MARCHF1: variants seen among roughly 807,000 people sequenced by gnomAD.
The protein encoded by MARCHF1 is E3 ubiquitin-protein ligase MARCHF1.
A neutral mutation model predicts 54.2 loss-of-function variants in MARCHF1; 40 were observed. That is an observed-to-expected ratio of 0.74 (90% confidence interval 0.57 to 0.96). The LOEUF (loss-of-function observed/expected upper bound fraction) is 0.96, where lower values mean the gene tolerates loss of function less well. Ranked by LOEUF, MARCHF1 falls within the 40% of genes least tolerant of loss-of-function variation. The pLI is 0.00. For missense variants in MARCHF1, 586 were observed against 656.5 expected, an observed-to-expected ratio of 0.89 and a Z score of 1.17; for synonymous variants, 236 against 236.3, an observed-to-expected ratio of 1.00 and a Z score of 0.01.
chr4:163,775,345 A>G (rs879678300), intron 4 of MARCHF1, among the ~76,000 whole-genome samples: 4 of 152,078 alleles, frequency 2.6e-5, no homozygotes, highest in Non-Finnish European at 5.9e-5. Context: ...TTATGTACAA[A>G]TATTTCTTTA....
chr4:164,076,588 G>C (rs1279870159), intron 2 of MARCHF1, among the ~76,000 whole-genome samples: 1 of 152,166 alleles, frequency 6.6e-6, no homozygotes, highest in Non-Finnish European at 1.5e-5. Context: ...CAGGAAGAGA[G>C]GAAGTCAAAT....
chr4:163,634,791 T>C (rs971858178), intron 5 of MARCHF1, among the ~76,000 whole-genome samples: 42 of 142,680 alleles, frequency 2.9e-4, no homozygotes, highest in African/African-American at 1.1e-3. Flanking sequence ...CAACAGAATA[T>C]ACATTTTTTT....
At chr4:164,363,719 T>C (rs144646928) in intron 1 of MARCHF1, among the ~76,000 whole-genome samples, 3 of 152,200 alleles carry the variant, frequency 2.0e-5, no homozygotes, top group Non-Finnish European at 4.4e-5. Context: ...CGTCATTCAA[T>C]GTAAATGCCC....
intron 5 of MARCHF1, among the ~76,000 whole-genome samples, chr4:163,618,338 A>G (rs1741578925): frequency 1.3e-5 from 2 of 152,038 alleles, no homozygotes; most frequent in African/African-American, 4.8e-5. Context: ...ACAACCTGGA[A>G]GTGTGATAAG....
rs534645067 is a variant in MARCHF1 at position 164,195,230 on chromosome 4, GT to G, written c.-322-83569del. Among the ~76,000 whole-genome samples, 126 of 150,960 alleles carry G rather than the reference GT, an allele frequency of 8.3e-4. 1 individual carries two copies. In the East Asian group the frequency reaches 0.013, roughly 15 times the overall value. On this transcript the variant is annotated intron_variant, in intron 1 of 9. Transcript: ENST00000514618. ...TTCTCTCTACAAGACCTAGAAAATT[GT>G]TTTTTTTCTTGTAATCAGCACTCAT...
intron 2 of MARCHF1, among the ~76,000 whole-genome samples, chr4:164,092,445 C>T (rs1755325009): frequency 6.6e-6 from 1 of 152,074 alleles, no homozygotes; most frequent in African/African-American, 2.4e-5. Context: ...TGACTGAGGG[C>T]TCAGTTAAGG....
chr4:164,038,464 G>A lies in MARCHF1; in HGVS notation c.-247-49755C>T, dbSNP rs190887544. Reference sequence around the variant, plus strand: ...GTGGAGATTGTGCCACTGCACTCCCGCCTGGGCGACAGAGCCAGACTCTGT... The same window carrying A: ...GTGGAGATTGTGCCACTGCACTCCCACCTGGGCGACAGAGCCAGACTCTGT... On this transcript the variant is annotated intron_variant, in intron 2 of 9. Coordinates refer to ENST00000514618, the MANE Select transcript of MARCHF1 (RefSeq NM_001394959.1). 3.4e-3 allele frequency among the ~76,000 whole-genome samples: 512 copies of A among 152,284 alleles called. 11 individuals are homozygous for A. Among genetic ancestry groups the A allele is most frequent in the Admixed American group, 0.027 (409 of 15,300 alleles).
At chr4:164,377,128 T>C (rs1054512771) in intron 1 of MARCHF1, among the ~76,000 whole-genome samples, 11 of 152,214 alleles carry the variant, frequency 7.2e-5, no homozygotes, top group African/African-American at 2.7e-4. Flanking sequence ...TTATCTGGAA[T>C]ATGTTACCTG....
chr4:163,819,950 G>A (rs755064892), intron 4 of MARCHF1, among the ~76,000 whole-genome samples: 7 of 151,930 alleles, frequency 4.6e-5, no homozygotes, highest in African/African-American at 9.7e-5. Context: ...CCTTCCCATC[G>A]TATTTTAAAC....
At chr4:163,952,292 C>A (rs1174213917) in intron 3 of MARCHF1, among the ~76,000 whole-genome samples, 2 of 152,106 alleles carry the variant, frequency 1.3e-5, no homozygotes, top group Non-Finnish European at 2.9e-5. Flanking sequence ...GTAGAAAATG[C>A]TAAACCAAAG....
intron 4 of MARCHF1, among the ~76,000 whole-genome samples, chr4:163,827,172 T>A (rs554734703): frequency 2.6e-5 from 4 of 152,204 alleles, no homozygotes; most frequent in African/African-American, 7.2e-5. Flanking sequence ...AAAATAAGAT[T>A]TGTAGTGATA....
At chr4:163,856,438 G>C (rs1749769478) in intron 3 of MARCHF1, among the ~76,000 whole-genome samples, 1 of 152,146 alleles carries the variant, frequency 6.6e-6, no homozygotes, top group Non-Finnish European at 1.5e-5. Flanking sequence ...TTATAATTTA[G>C]TTTGAACTTA....
At chr4:163,786,810 G>T (rs1747634559) in intron 4 of MARCHF1, among the ~76,000 whole-genome samples, 1 of 151,876 alleles carries the variant, frequency 6.6e-6, no homozygotes, top group African/African-American at 2.4e-5. Flanking sequence ...CAAAATTAGT[G>T]GCCTCACACT....
At chr4:163,900,562 C>T (rs1750917583) in intron 3 of MARCHF1, among the ~76,000 whole-genome samples, 1 of 152,104 alleles carries the variant, frequency 6.6e-6, no homozygotes, top group Non-Finnish European at 1.5e-5. Flanking sequence ...TCAATCCAGT[C>T]TAATTACTAC....
intron 1 of MARCHF1, among the ~76,000 whole-genome samples, chr4:164,165,294 A>T (rs780130978): frequency 2.0e-5 from 3 of 151,992 alleles, no homozygotes; most frequent in Non-Finnish European, 4.4e-5. Flanking sequence ...TGAGGTCATG[A>T]GGGTGGGGTC....
In MARCHF1 at chr4:164,316,675, G is replaced by C. The variant is rs568051557; in HGVS notation, c.-323+67195C>G. On this transcript the variant is annotated intron_variant, in intron 1 of 9. Coordinates refer to ENST00000514618, the MANE Select transcript of MARCHF1 (RefSeq NM_001394959.1). ...TGTTTAAAAAATACTTTTATGCTAA[G>C]AGTGATATGGTTTGGATTTGTGTCC... Among the ~76,000 whole-genome samples the C allele has an allele frequency of 5.2e-4, 79 of 152,234 alleles. 1 individual carries two copies. Among genetic ancestry groups the C allele is most frequent in the African/African-American group, 1.8e-3 (74 of 41,534 alleles).
At chr4:163,910,602 C>A (rs939142081) in intron 3 of MARCHF1, among the ~76,000 whole-genome samples, 4 of 152,160 alleles carry the variant, frequency 2.6e-5, no homozygotes, top group African/African-American at 9.7e-5. Context: ...TCAAGTGATT[C>A]CCCTGCCTCA....
intron 7 of MARCHF1, among the ~76,000 whole-genome samples, chr4:163,603,782 T>C (rs1409181708): frequency 6.6e-6 from 1 of 152,062 alleles, no homozygotes; most frequent in Non-Finnish European, 1.5e-5. Flanking sequence ...GTCATACCTA[T>C]TTTCCCTTCC....
At chr4:164,361,019 G>T (rs1450437784) in intron 1 of MARCHF1, among the ~76,000 whole-genome samples, 1 of 151,596 alleles carries the variant, frequency 6.6e-6, no homozygotes, top group Non-Finnish European at 1.5e-5. Context: ...AGCACCTGAT[G>T]GTCTAGAGCA....
Sources: allele counts gnomAD v4.1 joint callset (sites outside exome capture counted in the v4.1 genomes callset), GRCh38; gene constraint gnomAD v4.1.1; transcripts MANE v1.5; gene names NCBI Gene and HGNC (gene_info 2026-07-23, HGNC 2026-07-21).